Variants in RAE1 observed in about 807,000 individuals in gnomAD.
RAE1 encodes ribonucleic acid export 1, also known as mRNA export factor RAE1.
In RAE1, 13 loss-of-function variants were observed where a neutral mutation model predicts 52.7. The ratio of observed to expected loss-of-function variants is 0.25; its 90% CI spans 0.16 to 0.39. The LOEUF is 0.39. RAE1 is among the 10% of genes least tolerant of loss of function. RAE1 has a pLI of 1.00. For synonymous variants in RAE1, 164 were observed against 153.1 expected (o/e 1.07, Z -0.52); for missense variants, 262 against 459.8 (o/e 0.57, Z 3.93).
intron 4 of RAE1, chr20:57,357,699 T>G (rs1200216946): frequency 6.6e-6 from 1 of 152,222 alleles, no homozygotes; most frequent in Non-Finnish European, 1.5e-5. Flanking sequence ...TATTCATGTA[T>G]TCTGCTATAA....
chr20:57,365,821 G>C (rs1038792673), intron 5 of RAE1, among the ~76,000 whole-genome samples: 4 of 152,182 alleles, frequency 2.6e-5, no homozygotes, highest in Non-Finnish European at 5.9e-5. Context: ...TTCAGCAAGT[G>C]TTCTGTCTAT....
At chr20:57,374,581 C>T (rs1245335866) in intron 10 of RAE1, 26 bp from the exon 11 acceptor site, 13 of 1,590,698 alleles carry the variant, frequency 8.2e-6, no homozygotes, top group African/African-American at 1.3e-5. Context: ...TGCCTGGCTT[C>T]TCATTGTGCA....
chr20:57,357,196 T>C lies in RAE1; in HGVS notation c.288+658T>C, dbSNP rs150459757. On this transcript the variant is annotated intron_variant, in intron 4 of 11. Coordinates refer to ENST00000395841, the MANE Select transcript of RAE1 (RefSeq NM_003610.4). ...AGCTCTGTGAGTGTTAAGAAATGCA[T>C]AGAGTTGTGTTCTAGATATAGAACA... Among the ~76,000 whole-genome samples the C allele has an allele frequency of 1.2e-4, 18 of 152,294 alleles. No homozygotes were observed. In the East Asian group the frequency reaches 3.5e-3, roughly 29 times the overall value.
chr20:57,377,514 G>C (rs895634173), intron 11 of RAE1, among the ~76,000 whole-genome samples: 1 of 152,190 alleles, frequency 6.6e-6, no homozygotes, highest in African/African-American at 2.4e-5. Flanking sequence ...GGCCCGGGCA[G>C]ACGTGCACAC....
intron 4 of RAE1, chr20:57,359,127 A>G (rs2066849688): frequency 1.1e-6 from 1 of 904,038 alleles, no homozygotes; most frequent in East Asian, 3.0e-5. Flanking sequence ...GTCACTGGGC[A>G]GATAGTGCCT....
intron 8 of RAE1, chr20:57,372,924 TG>T (rs2067057188): frequency 6.5e-6 from 1 of 152,972 alleles, no homozygotes; most frequent in Non-Finnish European, 1.5e-5. Context: ...GTGGAATTTC[TG>T]GGTTCTTCTG....
intron 8 of RAE1, chr20:57,371,031 A>T (rs1455589869): frequency 1.3e-5 from 2 of 152,122 alleles, no homozygotes; most frequent in Admixed American, 1.3e-4. Flanking sequence ...ACTAATCCTC[A>T]GTCTCCTCCC....
chr20:57,364,345 CATT>C (rs1234881797), intron 4 of RAE1, among the ~76,000 whole-genome samples: 1 of 152,132 alleles, frequency 6.6e-6, no homozygotes, highest in Admixed American at 6.5e-5. Flanking sequence ...GTGGGGCTGG[CATT>C]ATGAGATTGA....
At chr20:57,351,964 T>C in intron 1 of RAE1, 1 of 985,444 alleles carries the variant, frequency 1.0e-6, no homozygotes, top group African/African-American at 1.7e-5. Context: ...GGCATTGTAC[T>C]GTGGGACCCA....
rs1323687526 is a variant in RAE1, at chr20:57,378,398, T to C, written c.*299T>C. On this transcript the variant is annotated 3_prime_UTR_variant, in exon 12 of 12. Transcript: ENST00000395841. ...GCTTCAGTGTACGTGTTAGAGAATA[T>C]TGGAAAAGCGTCTGTGAGCCCCGTG... 6.1e-6 allele frequency: 2 copies of C among 325,868 alleles called. No individual in the cohort carries two copies. The highest frequency in any genetic ancestry group is 2.1e-5 in the African/African-American group (1 of 47,558). 20.2% of individuals were successfully genotyped at this position (325,868 alleles called of 1,614,324 possible).
rs1213102119 is a variant in RAE1 at position 57,368,794 on chromosome 20, A to G, written c.624A>G (p.Glu208=). ...ENQPSEFRRI[E]SPLKHQHRCV... ...AACCTTCTGAATTCAGGAGGATAGA[A>G]TCTCCACTGAAACATCAGGTGCGTC... is the stretch of plus-strand genomic sequence containing the variant. Residue 208 remains glutamate (E), a synonymous_variant, in exon 8 of 12, where the codon GAA becomes GAG. Transcript: ENST00000395841. 1.2e-6 allele frequency: 2 copies of G among 1,612,004 alleles called. No individual in the cohort carries two copies. Among genetic ancestry groups the G allele is most frequent in the South Asian group, 1.1e-5 (1 of 90,670 alleles).
rs750573272 is a variant in RAE1, at chr20:57,373,594, C to CT, written c.749+14dup. ...ACCCCCCGAACCCGTAAGTGTGACT[C>CT]TGTCAGCTTGCAGATTTCACTGGAC... On this transcript the variant is annotated intron_variant, in intron 9 of 11. Coordinates refer to ENST00000395841, the MANE Select transcript of RAE1 (RefSeq NM_003610.4). 8 of 1,613,420 alleles carry CT rather than the reference C, an allele frequency of 5.0e-6. No individual in the cohort carries two copies. In the South Asian group the frequency reaches 6.6e-5, roughly 13 times the overall value.
At chr20:57,351,503 C>G (rs1051932577) in intron 1 of RAE1, 81 bp downstream of exon 1, 19 of 985,464 alleles carry the variant, frequency 1.9e-5, no homozygotes, top group Non-Finnish European at 2.2e-5. Context: ...CGGGAGCGCG[C>G]TTCTGCGGGA....
At chr20:57,368,635 C>A in intron 7 of RAE1, 70 bp from the exon 8 acceptor site, 1 of 1,061,782 alleles carries the variant, frequency 9.4e-7, no homozygotes, top group South Asian at 1.4e-5. Context: ...AAAAATTGAT[C>A]AAATACATTA....
intron 3 of RAE1, 122 bp from the exon 4 acceptor site, chr20:57,356,324 A>T: frequency 3.3e-6 from 2 of 607,420 alleles, no homozygotes; most frequent in Non-Finnish European, 5.7e-6. Context: ...TTGAAGTTAG[A>T]TAATTAGGTT....
rs2066751933 is a variant in RAE1 at position 57,354,254 on chromosome 20, A to T, written c.90+126A>T. On this transcript the variant is annotated intron_variant, in intron 2 of 11. Transcript: ENST00000395841. ...AAAGCTTTGAAACTTTGTCTAACTC[A>T]TGTTTCTGAAACACTGGAGCACAGA... 4.0e-6 allele frequency: 3 copies of T among 753,274 alleles called. No homozygotes were observed. The East Asian group carries it at 8.2e-5, about 21-fold the overall frequency. 46.7% of individuals were successfully genotyped at this position (753,274 alleles called of 1,614,324 possible).
chr20:57,374,479 G>A, intron 10 of RAE1, 128 bp from the exon 11 acceptor site: 1 of 870,078 alleles, frequency 1.1e-6, no homozygotes, highest in Non-Finnish European at 1.8e-6. Context: ...CTTGCTATCA[G>A]CGGGCAGCAG....
chr20:57,352,666 T>G lies in RAE1; in HGVS notation c.-8+1244T>G, dbSNP rs575065734. Among the ~76,000 whole-genome samples, 5 of 152,134 alleles carry G rather than the reference T, an allele frequency of 3.3e-5. No individual in the cohort carries two copies. In the East Asian group the frequency reaches 9.7e-4, roughly 29 times the overall value. On this transcript the variant is annotated intron_variant, in intron 1 of 11. Transcript: ENST00000395841. ...TGAAGGTTGAGGTAGAGGAATAGAGTGAAAGTAATATTTATTAAGAACCTG... is the reference window on the plus strand; with the variant it reads ...TGAAGGTTGAGGTAGAGGAATAGAGGGAAAGTAATATTTATTAAGAACCTG...
chr20:57,367,835 A>T (rs1224812554), intron 7 of RAE1, among the ~76,000 whole-genome samples: 3 of 151,574 alleles, frequency 2.0e-5, no homozygotes, highest in Admixed American at 2.0e-4. Context: ...CCGTAATTCC[A>T]CTTTTAGGAA....
Sources: gnomAD v4.1 joint callset for allele counts (sites outside exome capture counted in the v4.1 genomes callset) on GRCh38, gnomAD v4.1.1 for gene constraint, MANE v1.5 for transcripts, NCBI Gene and HGNC (gene_info 2026-07-23, HGNC 2026-07-21) for gene names.